Variants in PIGU observed in about 807,000 individuals in gnomAD.
PIGU encodes the protein phosphatidylinositol glycan anchor biosynthesis class U, also known as GPI-anchor transamidase component PIGU.
A neutral mutation model predicts 49.9 loss-of-function variants in PIGU; 24 were observed. The observed-to-expected ratio is 0.48, with a 90% CI of 0.35 to 0.68. The LOEUF is 0.68. Among genes scored for constraint, PIGU ranks in the 30% least tolerant of loss-of-function variants. The pLI is 0.01. For missense variants in PIGU, 490 were observed against 532.6 expected (o/e 0.92, Z 0.79); for synonymous variants, 220 against 205.7 (o/e 1.07, Z -0.59).
chr20:34,568,682 C>T (rs1297285780), intron 11 of PIGU, among the ~76,000 whole-genome samples: 1 of 152,214 alleles, frequency 6.6e-6, no homozygotes, highest in African/African-American at 2.4e-5. Context: ...ATTGTGGTTT[C>T]ACCTGTGTTG....
At position 34,654,335 on chromosome 20, in the gene PIGU, C is replaced by T. The variant is rs1345898971; in HGVS notation, c.195+2845G>A. 4.4e-5 allele frequency among the ~76,000 whole-genome samples: 5 copies of T among 113,352 alleles called. 2 individuals carry two copies. Among genetic ancestry groups the T allele is most frequent in the Admixed American group, 2.3e-4 (2 of 8,740 alleles). The allele number at this position is 113,352 out of a possible 152,430, so 74.4% of individuals were successfully genotyped here. A position where few individuals can be genotyped will look rare whatever the true frequency, so the allele number is the denominator to read the frequency against. On this transcript the variant is annotated intron_variant, in intron 2 of 11. Coordinates refer to ENST00000217446, the MANE Select transcript of PIGU (RefSeq NM_080476.5). ...AAAATTAGCCAGGCGTGGTGGCACA[C>T]GCCTATAACTCCAGCTACTTGGGAT...
Position 34,575,136 on chromosome 20 carries a change from A to G in PIGU, c.1162T>C (p.Tyr388His). The G allele has an allele frequency of 6.2e-7, 1 of 1,614,200 alleles. No individual in the cohort carries two copies. The highest frequency in any genetic ancestry group is 1.1e-5 in the South Asian group (1 of 91,090). The stretch of plus-strand genomic sequence containing the variant: ...ACGTTGAAGGTCAGTGTGATGGCAT[A>G]AAAGAAATTAGAGTTGGCACTTCCT... Reference protein sequence around the residue: ...YAGSANSNFFYAITLTFNVGQ... With the variant: ...YAGSANSNFFHAITLTFNVGQ... Residue 388 changes from tyrosine (Y) to histidine (H), a missense_variant, in exon 11 of 12, where the codon TAT (tyrosine) becomes CAT (histidine). Tyr to His is a moderately conservative substitution (Grantham distance 83). Transcript: ENST00000217446.
intron 7 of PIGU, among the ~76,000 whole-genome samples, chr20:34,599,671 T>C (rs560748053): frequency 2.0e-5 from 3 of 152,192 alleles, no homozygotes; most frequent in South Asian, 2.1e-4. Flanking sequence ...TACTATCAGA[T>C]GGTCTATGAA....
chr20:34,655,990 T>G, intron 2 of PIGU, among the ~76,000 whole-genome samples: 3 of 102,972 alleles, frequency 2.9e-5, no homozygotes, highest in African/African-American at 3.7e-5. Flanking sequence ...TTTTTTTTTT[T>G]TGAGATGGAG....
intron 4 of PIGU, 73 bp from the exon 5 acceptor site, chr20:34,638,058 CA>C: frequency 6.6e-7 from 1 of 1,507,950 alleles, no homozygotes; most frequent in Non-Finnish European, 8.8e-7. Context: ...ATGCTGAAGA[CA>C]AAAGTCCTTT....
At position 34,565,706 on chromosome 20, in the gene PIGU, T is replaced by G. The variant is rs1982718300; in HGVS notation, c.1195-4727A>C. 1.4e-4 allele frequency among the ~76,000 whole-genome samples: 12 copies of G among 86,350 alleles called. No homozygotes were observed. In the South Asian group the frequency reaches 3.8e-3, roughly 28 times the overall value. The allele number at this position is 86,350 out of a possible 152,430, so 56.6% of individuals were successfully genotyped here. A position where few individuals can be genotyped will look rare whatever the true frequency, so the allele number is the denominator to read the frequency against. On this transcript the variant is annotated intron_variant, in intron 11 of 11. Coordinates refer to ENST00000217446, the MANE Select transcript of PIGU (RefSeq NM_080476.5). ...TCTTCTCTTCCTGCAGCCACCTCTC[T>G]GGACACACACACACACACACACACA...
intron 6 of PIGU, among the ~76,000 whole-genome samples, chr20:34,619,587 G>A (rs1362382205): frequency 6.6e-6 from 1 of 152,202 alleles, no homozygotes; most frequent in African/African-American, 2.4e-5. Context: ...CTATAGCATG[G>A]TGAAAACAAA....
intron 7 of PIGU, among the ~76,000 whole-genome samples, chr20:34,615,392 A>T (rs1984965899): frequency 6.6e-6 from 1 of 152,214 alleles, no homozygotes; most frequent in South Asian, 2.1e-4. Context: ...TATTATAAAG[A>T]AAAGTTAAAG....
At chr20:34,666,167 T>C (rs1237628142) in intron 1 of PIGU, among the ~76,000 whole-genome samples, 5 of 151,756 alleles carry the variant, frequency 3.3e-5, no homozygotes, top group East Asian at 1.9e-4. Flanking sequence ...GCCCGGGCGA[T>C]AGAACAAGAC....
chr20:34,669,034 G>A (rs143220569), intron 1 of PIGU, among the ~76,000 whole-genome samples: 4,467 of 151,658 alleles, frequency 0.029, 98 homozygotes, highest in Non-Finnish European at 0.047. Context: ...ACAGGTGTGC[G>A]CCACCAAACC....
In PIGU at chr20:34,585,486, A is replaced by G; in HGVS notation, c.877T>C (p.Phe293Leu). 2.5e-6 allele frequency: 4 copies of G among 1,614,070 alleles called. No individual in the cohort carries two copies. Among genetic ancestry groups the G allele is most frequent in the Middle Eastern group, 1.6e-4 (1 of 6,062 alleles). The change falls in exon 9 of 12, where the codon TTT becomes CTT. Residue 293 changes from phenylalanine to leucine, a missense_variant. Physicochemically the swap from Phe to Leu is conservative, Grantham distance 22 (BLOSUM62 0). Coordinates refer to ENST00000217446, the MANE Select transcript of PIGU (RefSeq NM_080476.5). ...EHFSLFFVCV[F>L]QINVFFYTIP... The stretch of plus-strand genomic sequence containing the variant: ...GTGTAGAAGAAGACGTTGATCTGAA[A>G]CACACATACAAAGAAGAGGCTGAAG...
intron 7 of PIGU, among the ~76,000 whole-genome samples, chr20:34,592,375 A>C (rs1163940571): frequency 6.6e-6 from 1 of 151,772 alleles, no homozygotes; most frequent in Non-Finnish European, 1.5e-5. Flanking sequence ...GAATCAACAA[A>C]ACCAAATCTA....
At chr20:34,648,534 A>C (rs1986426804) in intron 2 of PIGU, among the ~76,000 whole-genome samples, 1 of 151,744 alleles carries the variant, frequency 6.6e-6, no homozygotes, top group Non-Finnish European at 1.5e-5. Context: ...TTATATGCAA[A>C]ATTTTTTGTT....
At chr20:34,594,198 A>T (rs914427988) in intron 7 of PIGU, among the ~76,000 whole-genome samples, 9 of 152,326 alleles carry the variant, frequency 5.9e-5, no homozygotes, top group African/African-American at 2.2e-4. Context: ...ACAAAACAAA[A>T]CTACATACAT....
chr20:34,625,444 C>T (rs1430490345), intron 6 of PIGU, among the ~76,000 whole-genome samples: 48 of 150,714 alleles, frequency 3.2e-4, no homozygotes. Flanking sequence ...TGAACTTAAT[C>T]TACAGGAACA....
Position 34,589,913 on chromosome 20 carries a change from C to A in PIGU, c.628-1306G>T, listed in dbSNP as rs546051092. On this transcript the variant is annotated intron_variant, in intron 7 of 11. Coordinates refer to ENST00000217446, the MANE Select transcript of PIGU (RefSeq NM_080476.5). ...TCAGGTGATCTACCCGCCTTGGCCT[C>A]CCAAAGTATTGGGATTACAGGCATG... Among the ~76,000 whole-genome samples, 3 of 152,192 alleles carry A rather than the reference C, an allele frequency of 2.0e-5. No homozygotes were observed. The East Asian group carries it at 5.8e-4, about 29-fold the overall frequency.
intron 11 of PIGU, 84 bp from the exon 12 acceptor site, chr20:34,561,063 G>A (rs1451812275): frequency 1.1e-6 from 1 of 933,156 alleles, no homozygotes; most frequent in African/African-American, 1.7e-5. Flanking sequence ...GGTGTTGTTG[G>A]AAGACAGGAA....
intron 1 of PIGU, among the ~76,000 whole-genome samples, chr20:34,659,490 G>T (rs916269547): frequency 6.6e-6 from 1 of 151,534 alleles, no homozygotes; most frequent in Non-Finnish European, 1.5e-5. Flanking sequence ...GCCTCTGCCC[G>T]GCTGCCCCTA....
chr20:34,623,157 G>T (rs867669506), intron 6 of PIGU, among the ~76,000 whole-genome samples: 1 of 152,110 alleles, frequency 6.6e-6, no homozygotes, highest in Non-Finnish European at 1.5e-5. Flanking sequence ...CACAGGTGAT[G>T]ATCTATACCA....
Sources: allele counts gnomAD v4.1 joint callset (sites outside exome capture counted in the v4.1 genomes callset), GRCh38; gene constraint gnomAD v4.1.1; transcripts MANE v1.5; gene names NCBI Gene and HGNC (gene_info 2026-07-23, HGNC 2026-07-21).